The following PCDHGB3 variants were observed in gnomAD, a reference collection of about 807,000 sequenced individuals.
PCDHGB3 encodes protocadherin gamma-B3.
In PCDHGB3, 40 loss-of-function variants were observed where a neutral mutation model predicts 59.2. The observed-to-expected ratio is 0.68, with a 90% CI of 0.52 to 0.88. The LOEUF is 0.88. Among genes scored for constraint, PCDHGB3 ranks in the 40% least tolerant of loss-of-function variants. The pLI, the probability that PCDHGB3 is intolerant of heterozygous loss-of-function variation, is 0.00. For synonymous variants in PCDHGB3, 581 were observed against 503.6 expected (o/e 1.15, Z -2.06); for missense variants, 1,309 against 1,187.9 (o/e 1.10, Z -1.50).
At chr5:141,414,473 G>T (rs371832510) in intron 1 of PCDHGB3, 1 of 1,613,908 alleles carries the variant, frequency 6.2e-7, no homozygotes, top group Non-Finnish European at 8.5e-7. Flanking sequence ...GATGGGGGAA[G>T]TCCTCCTCTA....
chr5:141,406,415 GC>G (rs2094806009), intron 1 of PCDHGB3, among the ~76,000 whole-genome samples: 1 of 152,164 alleles, frequency 6.6e-6, no homozygotes, highest in Non-Finnish European at 1.5e-5. Flanking sequence ...ACAGCTGAAA[GC>G]CCAGATTTAT....
Position 141,512,574 on chromosome 5 carries a change from C to G in PCDHGB3, c.*1401C>G, listed in dbSNP as rs1429371202. 2 of 152,884 alleles carry G rather than the reference C, an allele frequency of 1.3e-5. No homozygotes were observed. Among genetic ancestry groups the G allele is most frequent in the South Asian group, 2.1e-4 (1 of 4,836 alleles). 9.5% of individuals were successfully genotyped at this position (152,884 alleles called of 1,614,324 possible). On this transcript the variant is annotated 3_prime_UTR_variant, in exon 4 of 4. Transcript: ENST00000576222. ...GTGCATAGACCTTCTTCTCCCACCC[C>G]CTTCTGCCCCTGGGTCCCCGGCCAT...
At chr5:141,394,057 T>C (rs1318938543) in intron 1 of PCDHGB3, 1 of 1,613,750 alleles carries the variant, frequency 6.2e-7, no homozygotes, top group East Asian at 2.2e-5. Flanking sequence ...CGAGAAAATG[T>C]CTCTATCTAC....
At chr5:141,425,447 A>G (rs549575207) in intron 1 of PCDHGB3, among the ~76,000 whole-genome samples, 5 of 152,318 alleles carry the variant, frequency 3.3e-5, no homozygotes, top group African/African-American at 1.2e-4. Flanking sequence ...AAAATAAAAC[A>G]CCATCACATT....
chr5:141,382,683 G>C, intron 1 of PCDHGB3: 1 of 444,266 alleles, frequency 2.3e-6, no homozygotes, highest in Non-Finnish European at 4.0e-6. Flanking sequence ...ACCAACCAGG[G>C]AAAAATGGTG....
Position 141,387,312 on chromosome 5 carries a change from G to A in PCDHGB3, c.2415+14503G>A, listed in dbSNP as rs576543135. Reference sequence around the variant, plus strand: ...AAAATGTATCCAGTATATTTCTAATGAGTAAGTATGGAAAATTACTGTACT... The same window carrying A: ...AAAATGTATCCAGTATATTTCTAATAAGTAAGTATGGAAAATTACTGTACT... On this transcript the variant is annotated intron_variant, in intron 1 of 3. Transcript: ENST00000576222. Among the ~76,000 whole-genome samples, 3 of 152,338 alleles carry A rather than the reference G, an allele frequency of 2.0e-5. No homozygotes were observed. The East Asian group carries it at 5.8e-4, about 29-fold the overall frequency.
rs779250544 is a variant in PCDHGB3, at chr5:141,432,639, G to A, written c.2415+59830G>A. The A allele has an allele frequency of 1.2e-6, 2 of 1,613,816 alleles. No homozygotes were observed. Among genetic ancestry groups the A allele is most frequent in the Non-Finnish European group, 1.7e-6 (2 of 1,179,934 alleles). On this transcript the variant is annotated intron_variant, in intron 1 of 3. Coordinates refer to ENST00000576222, the MANE Select transcript of PCDHGB3 (RefSeq NM_018924.5). This position sits in a 1 kb window ranked among gnomAD's most constrained non-coding sequence, Gnocchi z 6.0. Reference sequence around the variant, plus strand: ...GTGGGTCTGCACACGGGCGAGGTGCGCACGGCGCGAGCCCTGCTGGACAGA... The same window carrying A: ...GTGGGTCTGCACACGGGCGAGGTGCACACGGCGCGAGCCCTGCTGGACAGA...
chr5:141,414,559 T>C (rs1330713312), intron 1 of PCDHGB3: 2 of 1,613,782 alleles, frequency 1.2e-6, no homozygotes, highest in Non-Finnish European at 1.7e-6. Flanking sequence ...AGTCTCCTAC[T>C]TTACCTATAT....
At chr5:141,375,610 C>G in intron 1 of PCDHGB3, 1 of 1,614,224 alleles carries the variant, frequency 6.2e-7, no homozygotes, top group Non-Finnish European at 8.5e-7. Context: ...CCATCAACTC[C>G]GACACTGGGA....
At chr5:141,394,112 C>G (rs771784855) in intron 1 of PCDHGB3, 9 of 1,613,946 alleles carry the variant, frequency 5.6e-6, no homozygotes, top group African/African-American at 2.7e-5. Flanking sequence ...CACCTCTGTC[C>G]ACTGAAACTC....
chr5:141,399,853 C>G, intron 1 of PCDHGB3: 1 of 1,612,978 alleles, frequency 6.2e-7, no homozygotes, highest in Non-Finnish European at 8.5e-7. Flanking sequence ...TATGGTGCCG[C>G]GCGCTGCAGA....
chr5:141,486,425 A>C lies in PCDHGB3; in HGVS notation c.2416-8382A>C. The C allele has an allele frequency of 6.2e-7, 1 of 1,614,228 alleles. No homozygotes were observed. On this transcript the variant is annotated intron_variant, in intron 1 of 3. Transcript: ENST00000576222. This position sits in a 1 kb window ranked among gnomAD's most constrained non-coding sequence, Gnocchi z 5.0. Reference sequence around the variant, plus strand: ...TGCTGGACCCTTGGATCGAGAGGCCAAATCTAGCTATGACATCATGGTCAC... The same window carrying C: ...TGCTGGACCCTTGGATCGAGAGGCCCAATCTAGCTATGACATCATGGTCAC...
chr5:141,420,301 CT>C, intron 1 of PCDHGB3: 1 of 1,462,308 alleles, frequency 6.8e-7, no homozygotes, highest in Non-Finnish European at 9.2e-7. Flanking sequence ...GTATTTAATC[CT>C]TTTTATATTA....
intron 1 of PCDHGB3, chr5:141,415,938 C>T (rs1351429284): frequency 3.4e-6 from 2 of 588,200 alleles, no homozygotes; most frequent in East Asian, 4.2e-5. Context: ...ATATTTCCTC[C>T]TGGGTGGTCA....
chr5:141,373,998 T>C lies in PCDHGB3; in HGVS notation c.2415+1189T>C, dbSNP rs934719638. On this transcript the variant is annotated intron_variant, in intron 1 of 3. Transcript: ENST00000576222. ...TCCGGTCTCTGCTTGTTGAAGGACC[T>C]TCACCGCTATTTCTGAGAAGAGCAA... The C allele has an allele frequency of 2.4e-5, 31 of 1,299,320 alleles. No homozygotes were observed. The African/African-American group carries it at 4.6e-4, about 19-fold the overall frequency. The allele number at this position is 1,299,320 out of a possible 1,614,324, so 80.5% of individuals were successfully genotyped here. A position where few individuals can be genotyped will look rare whatever the true frequency, so the allele number is the denominator to read the frequency against.
chr5:141,509,371 T>C (rs2099876508), intron 3 of PCDHGB3, among the ~76,000 whole-genome samples: 1 of 152,258 alleles, frequency 6.6e-6, no homozygotes, highest in South Asian at 2.1e-4. Context: ...AGGTTTTAAC[T>C]GTCTCCTAAC....
intron 1 of PCDHGB3, among the ~76,000 whole-genome samples, chr5:141,460,963 G>A (rs760674165): frequency 3.0e-4 from 27 of 89,804 alleles, no homozygotes; most frequent in Admixed American, 4.3e-4. Context: ...ATATATATAT[G>A]TGTGTGTGTG....
intron 1 of PCDHGB3, chr5:141,403,279 G>C (rs779882720): frequency 6.2e-7 from 1 of 1,613,900 alleles, no homozygotes. Flanking sequence ...TTAAAGTCCT[G>C]GTTGAAGACA....
chr5:141,453,077 T>C (rs2098755487), intron 1 of PCDHGB3, among the ~76,000 whole-genome samples: 1 of 152,090 alleles, frequency 6.6e-6, no homozygotes, highest in African/African-American at 2.4e-5. Context: ...CACACTCTGG[T>C]TGATTAGTAT....
Sources: gnomAD v4.1 joint callset for allele counts (sites outside exome capture counted in the v4.1 genomes callset) on GRCh38, gnomAD v4.1.1 for gene constraint, Gnocchi (gnomAD v3.1) non-coding constraint, MANE v1.5 for transcripts, NCBI Gene and HGNC (gene_info 2026-07-23, HGNC 2026-07-21) for gene names.